PLXNA1: variants seen among roughly 807,000 people sequenced by gnomAD.
PLXNA1 encodes plexin A1, also known as plexin-A1.
In PLXNA1, 77 loss-of-function variants were observed where a neutral mutation model predicts 191.7. The observed-to-expected ratio is 0.40, with a 90% CI of 0.33 to 0.49. The LOEUF is 0.49. Among genes scored for constraint, PLXNA1 ranks in the 20% least tolerant of loss-of-function variants. The pLI, the probability that PLXNA1 is intolerant of heterozygous loss-of-function variation, is 0.63. For missense variants in PLXNA1, 2,110 were observed against 2,660.2 expected, an observed-to-expected ratio of 0.79 and a Z score of 4.55; for synonymous variants, 1,137 against 1,156.4, an observed-to-expected ratio of 0.98 and a Z score of 0.34.
At chr3:127,033,569 G>A (rs1160009607) in intron 31 of PLXNA1, among the ~76,000 whole-genome samples, 1 of 152,134 alleles carries the variant, frequency 6.6e-6, no homozygotes, top group Non-Finnish European at 1.5e-5. Flanking sequence ...CAAAAGCCTG[G>A]GGTCCTGGGG....
Position 127,004,709 on chromosome 3 carries a change from C to A in PLXNA1, c.1617C>A (p.Ser539Arg). Reference protein sequence around the residue: ...DPHCGWCVLHSICSRRDACER... With the variant: ...DPHCGWCVLHRICSRRDACER... ...ACTGTGGCTGGTGTGTCCTGCACAGCATGTGAGTCTGGGCAGGTGGGCAGG... is the reference window on the plus strand; with the variant it reads ...ACTGTGGCTGGTGTGTCCTGCACAGAATGTGAGTCTGGGCAGGTGGGCAGG... The change falls in exon 5 of 32, where the codon AGC (serine) becomes AGA (arginine). Residue 539 changes from serine to arginine, a missense_variant and splice_region_variant. By Grantham distance (110) the Ser-to-Arg change is moderately radical. Around this residue, in one of 4 missense-constraint regions of PLXNA1, gnomAD observed 903 missense variants for 1,015.7 expected, o/e 0.89. Transcript: ENST00000393409. The A allele has an allele frequency of 6.3e-7, 1 of 1,585,848 alleles. No homozygotes were observed. The highest frequency in any genetic ancestry group is 8.6e-7 in the Non-Finnish European group (1 of 1,166,220).
chr3:127,015,594 G>A (rs1273990157), intron 15 of PLXNA1, among the ~76,000 whole-genome samples: 1 of 152,230 alleles, frequency 6.6e-6, no homozygotes, highest in Non-Finnish European at 1.5e-5. Context: ...AATCCCTTGG[G>A]TACAAAATAA....
At chr3:126,999,514 G>A (rs985215840) in intron 3 of PLXNA1, among the ~76,000 whole-genome samples, 4 of 152,202 alleles carry the variant, frequency 2.6e-5, no homozygotes, top group Non-Finnish European at 4.4e-5. Context: ...GCCTCCCGGC[G>A]GCTGGGGCGC....
intron 4 of PLXNA1, among the ~76,000 whole-genome samples, chr3:127,004,126 G>T (rs930473980): frequency 6.6e-6 from 1 of 152,228 alleles, no homozygotes; most frequent in African/African-American, 2.4e-5. Flanking sequence ...CCTCCTGGGC[G>T]CAGTGGGGTT....
At chr3:126,995,022 C>G (rs1248902976) in intron 3 of PLXNA1, among the ~76,000 whole-genome samples, 2 of 152,176 alleles carry the variant, frequency 1.3e-5, no homozygotes. Flanking sequence ...AGGCTTACCA[C>G]TCCCTGTCTT....
rs1369442657 is a variant in PLXNA1 at position 127,014,307 on chromosome 3, G to A, written c.2536G>A (p.Asp846Asn). The A allele has an allele frequency of 1.3e-5, 20 of 1,596,344 alleles. No individual in the cohort carries two copies. The highest frequency in any genetic ancestry group is 1.5e-5 in the Non-Finnish European group (18 of 1,175,730). ...RCSLRHHCAADTPASWMHARH... is the reference protein window; with the variant it reads ...RCSLRHHCAANTPASWMHARH... Reference sequence around the variant, plus strand: ...CTCCCTGCGACACCACTGCGCTGCCGACACACCTGCATCGTGGATGCACGC... The same window carrying A: ...CTCCCTGCGACACCACTGCGCTGCCAACACACCTGCATCGTGGATGCACGC... The change falls in exon 12 of 32, where the codon GAC becomes AAC. Residue 846 changes from aspartate (D) to asparagine (N), a missense_variant. Coordinates refer to ENST00000393409, the MANE Select transcript of PLXNA1 (RefSeq NM_032242.4).
chr3:126,983,468 G>T (rs1343470167), intron 1 of PLXNA1, among the ~76,000 whole-genome samples, 181 bp downstream of exon 1: 1 of 146,128 alleles, frequency 6.8e-6, no homozygotes, highest in East Asian at 2.0e-4. Flanking sequence ...ACTGCGGCGC[G>T]CGTGTCCGCG....
rs1303312572 is a variant in PLXNA1, at chr3:127,014,264, C to T, written c.2493C>T (p.Cys831=). ...ACCCGCGCTTCGAGTGCGGATGGTGCGTGGCCGAGCGCCGCTGCTCCCTGC... is the reference window on the plus strand; with the variant it reads ...ACCCGCGCTTCGAGTGCGGATGGTGTGTGGCCGAGCGCCGCTGCTCCCTGC... ...KADPRFECGW[C]VAERRCSLRH... Residue 831 remains cysteine, a synonymous_variant, in exon 12 of 32, where the codon TGC becomes TGT. Transcript: ENST00000393409. The T allele has an allele frequency of 4.4e-6, 7 of 1,596,672 alleles. No individual in the cohort carries two copies. Among genetic ancestry groups the T allele is most frequent in the East Asian group, 4.5e-5 (2 of 44,158 alleles).
chr3:127,005,010 T>G lies in PLXNA1; in HGVS notation c.1743+2T>G. 6.2e-7 allele frequency: 1 copy of G among 1,608,864 alleles called. No individual in the cohort carries two copies. The highest frequency in any genetic ancestry group is 8.5e-7 in the Non-Finnish European group (1 of 1,176,982). On this transcript the variant is annotated splice_donor_variant, in intron 6 of 31. Transcript: ENST00000393409. LOFTEE classifies it high-confidence loss of function. ...TCTGTCACCATGTCCCAGGTCCCAG[T>G]AAGTGTGGCACCCCAGGTGGTAAGG...
At chr3:127,009,550 T>TC (rs145969147) in intron 9 of PLXNA1, among the ~76,000 whole-genome samples, 12,550 of 139,412 alleles carry the variant, frequency 0.09, 608 homozygotes, top group Middle Eastern at 0.21. Flanking sequence ...CCAGTGGCAG[T>TC]CCCCCCCCAA....
chr3:127,012,380 C>T (rs1367111886), intron 10 of PLXNA1, among the ~76,000 whole-genome samples: 2 of 152,260 alleles, frequency 1.3e-5, no homozygotes, highest in Admixed American at 1.3e-4. Context: ...CCCATGCTGT[C>T]CTGGTAGCTG....
At position 127,017,628 on chromosome 3, in the gene PLXNA1, G is replaced by C. The variant is rs746657656; in HGVS notation, c.3480G>C (p.Leu1160=). The part of the protein sequence containing the change: ...PVLEPLSPTG[L]LELKPSSPLI... ...TGGAGCCACTCAGCCCCACTGGCCTGCTGGAGCTGAAGCCCAGCTCCCCAC... is the reference window on the plus strand; with the variant it reads ...TGGAGCCACTCAGCCCCACTGGCCTCCTGGAGCTGAAGCCCAGCTCCCCAC... The change falls in exon 18 of 32, where the codon CTG becomes CTC. Residue 1160 remains leucine (L), a synonymous_variant. Coordinates refer to ENST00000393409, the MANE Select transcript of PLXNA1 (RefSeq NM_032242.4). 45 of 1,613,474 alleles carry C rather than the reference G, an allele frequency of 2.8e-5. No homozygotes were observed. In the South Asian group the frequency reaches 4.7e-4, roughly 17 times the overall value.
rs2079230097 is a variant in PLXNA1, at chr3:127,034,600, C to G, written c.*583C>G. On this transcript the variant is annotated 3_prime_UTR_variant, in exon 32 of 32. Transcript: ENST00000393409. ...ACCTCCAGCACCCATGCCCGCTGCA[C>G]CGCTGCCATCCTCAGATTCACCGCG... is the stretch of plus-strand genomic sequence containing the variant. 1.3e-5 allele frequency: 2 copies of G among 152,822 alleles called. No individual in the cohort carries two copies. The highest frequency in any genetic ancestry group is 4.8e-5 in the African/African-American group (2 of 41,478). 9.5% of individuals were successfully genotyped at this position (152,822 alleles called of 1,614,324 possible).
At chr3:127,021,602 T>C (rs1284984297) in intron 21 of PLXNA1, among the ~76,000 whole-genome samples, 1 of 152,174 alleles carries the variant, frequency 6.6e-6, no homozygotes, top group Admixed American at 6.5e-5. Flanking sequence ...TTGGTTATCA[T>C]TGTCAAGGCG....
chr3:127,009,567 C>G (rs1397827744), intron 9 of PLXNA1, among the ~76,000 whole-genome samples: 1 of 151,528 alleles, frequency 6.6e-6, no homozygotes, highest in Non-Finnish European at 1.5e-5. Flanking sequence ...CCAACCCCCC[C>G]ACAAGCCCTC....
chr3:127,015,960 C>T (rs945306086), intron 15 of PLXNA1, among the ~76,000 whole-genome samples: 1 of 152,144 alleles, frequency 6.6e-6, no homozygotes, highest in African/African-American at 2.4e-5. Flanking sequence ...GGACAGGTGC[C>T]GAGAGGGAAG....
chr3:127,033,033 G>A (rs1169776779), intron 31 of PLXNA1, among the ~76,000 whole-genome samples, 197 bp downstream of exon 31: 1 of 152,178 alleles, frequency 6.6e-6, no homozygotes, highest in African/African-American at 2.4e-5. Flanking sequence ...AGAAGGCCGT[G>A]GTGGAGTCAC....
In PLXNA1 at chr3:127,029,106, G is replaced by A. The variant is rs764194320; in HGVS notation, c.4773+10G>A. 5 of 1,608,896 alleles carry A rather than the reference G, an allele frequency of 3.1e-6. No individual in the cohort carries two copies. Among genetic ancestry groups the A allele is most frequent in the South Asian group, 1.1e-5 (1 of 90,912 alleles). The stretch of plus-strand genomic sequence containing the variant: ...ACTGGCTCACTACCAGGTGGCTCCC[G>A]GCCCTCCGACCCTAGCACAGGCCTC... On this transcript the variant is annotated intron_variant, in intron 26 of 31. Transcript: ENST00000393409.
intron 13 of PLXNA1, 38 bp from the exon 14 acceptor site, chr3:127,014,673 C>CG: frequency 6.3e-7 from 1 of 1,578,420 alleles, no homozygotes; most frequent in Non-Finnish European, 8.7e-7. Context: ...CGGGACGGGG[C>CG]GGGGCTCCTG....
Sources: allele counts gnomAD v4.1 joint callset (sites outside exome capture counted in the v4.1 genomes callset), GRCh38; gene constraint gnomAD v4.1.1; regional missense constraint gnomAD v4.1.1; transcripts MANE v1.5; gene names NCBI Gene and HGNC (gene_info 2026-07-23, HGNC 2026-07-21).